TPO: variants seen among roughly 807,000 people sequenced by gnomAD.
TPO encodes thyroid microsomal antigen.
Under a neutral mutation model 96.9 loss-of-function variants are expected in TPO, and 78 were observed. That is an observed-to-expected ratio of 0.81 (90% CI 0.67 to 0.97). TPO has a LOEUF of 0.97. Ranked by LOEUF, TPO falls within the 50% of genes least tolerant of loss-of-function variation. The pLI is 0.00. For synonymous variants in TPO, 547 were observed against 538.0 expected (o/e 1.02, Z -0.23); for missense variants, 1,252 against 1,274.8 (o/e 0.98, Z 0.27).
At chr2:1,418,338 T>C (rs943302301) in intron 2 of TPO, among the ~76,000 whole-genome samples, 1 of 149,602 alleles carries the variant, frequency 6.7e-6, no homozygotes, top group Non-Finnish European at 1.5e-5. Flanking sequence ...CAGTCCTGGA[T>C]AGAGTTTAGG....
intron 15 of TPO, among the ~76,000 whole-genome samples, chr2:1,528,684 TC>T (rs1289195278): frequency 2.4e-5 from 2 of 82,642 alleles, no homozygotes; most frequent in African/African-American, 5.5e-5. Context: ...CCTCCCCAAA[TC>T]CCCCCTACCT....
chr2:1,488,195 G>A (rs940137759), intron 10 of TPO, among the ~76,000 whole-genome samples: 1 of 152,164 alleles, frequency 6.6e-6, no homozygotes, highest in Non-Finnish European at 1.5e-5. Context: ...CACGAAGAGG[G>A]TGGTTCTGAA....
At chr2:1,455,279 C>A (rs1044089249) in intron 6 of TPO, among the ~76,000 whole-genome samples, 1 of 152,138 alleles carries the variant, frequency 6.6e-6, no homozygotes, top group South Asian at 2.1e-4. Flanking sequence ...GGATGTTGTG[C>A]GAGAGGCATT....
chr2:1,532,978 C>T (rs1296557432), intron 15 of TPO, among the ~76,000 whole-genome samples: 4 of 114,384 alleles, frequency 3.5e-5, no homozygotes, highest in Non-Finnish European at 5.4e-5. Context: ...TCCAGCCTCC[C>T]CAAATCCCTC....
At chr2:1,447,820 G>A (rs543123213) in intron 5 of TPO, among the ~76,000 whole-genome samples, 2 of 152,296 alleles carry the variant, frequency 1.3e-5, no homozygotes, top group African/African-American at 4.8e-5. Flanking sequence ...CCTATATCAT[G>A]AATCGAGTAG....
intron 5 of TPO, among the ~76,000 whole-genome samples, chr2:1,448,282 C>T (rs1573229024): frequency 6.6e-6 from 1 of 152,350 alleles, no homozygotes; most frequent in African/African-American, 2.4e-5. Flanking sequence ...CGCTGTGCTC[C>T]ACGCAGCTCC....
intron 10 of TPO, among the ~76,000 whole-genome samples, chr2:1,491,031 G>A (rs542523532): frequency 1.5e-4 from 23 of 152,096 alleles, no homozygotes; most frequent in African/African-American, 2.7e-4. Flanking sequence ...TCAGCTGGGC[G>A]TGGTGGCAGA....
chr2:1,422,963 T>A, intron 2 of TPO, 82 bp from the exon 3 acceptor site: 1 of 1,496,102 alleles, frequency 6.7e-7, no homozygotes, highest in Non-Finnish European at 9.3e-7. Flanking sequence ...CGCAGCAAGA[T>A]GGGCTTGAGG....
chr2:1,387,269 T>G (rs1488508148), intron 1 of TPO, among the ~76,000 whole-genome samples: 4 of 152,220 alleles, frequency 2.6e-5, no homozygotes, highest in Non-Finnish European at 5.9e-5. Flanking sequence ...CCTTGCTAGG[T>G]TGGGGATGTT....
chr2:1,514,141 G>A (rs990904949), intron 14 of TPO, among the ~76,000 whole-genome samples: 2 of 152,168 alleles, frequency 1.3e-5, no homozygotes, highest in African/African-American at 2.4e-5. Flanking sequence ...TCTGAGGGCA[G>A]GTGAAGCTGC....
chr2:1,380,206 A>AATACGGTG (rs1034132334), intron 1 of TPO, among the ~76,000 whole-genome samples: 2 of 152,076 alleles, frequency 1.3e-5, no homozygotes, highest in South Asian at 4.1e-4. Flanking sequence ...CATCCTGGCT[A>AATACGGTG]ATACGGTGAA....
In TPO at chr2:1,542,554, C is replaced by T; in HGVS notation, c.*80C>T. ...GACTCTTTTCCAAACACAGGCAAAT[C>T]CGAAATCAGCAGGACGACTGTTTTC... is the stretch of plus-strand genomic sequence containing the variant. On this transcript the variant is annotated 3_prime_UTR_variant, in exon 17 of 17. Transcript: ENST00000329066. 1 of 1,597,454 alleles carries T rather than the reference C, an allele frequency of 6.3e-7. No individual in the cohort carries two copies. Among genetic ancestry groups the T allele is most frequent in the Non-Finnish European group, 8.5e-7 (1 of 1,171,626 alleles).
At chr2:1,496,478 C>G in intron 12 of TPO, 117 bp from the exon 13 acceptor site, 17 of 1,439,396 alleles carry the variant, frequency 1.2e-5, no homozygotes, top group Non-Finnish European at 1.5e-5. Context: ...CACAGCAGGG[C>G]TCCCCGGCCC....
chr2:1,524,784 G>A (rs532968708), intron 15 of TPO, among the ~76,000 whole-genome samples: 2 of 118,288 alleles, frequency 1.7e-5, no homozygotes, highest in Non-Finnish European at 1.7e-5. Flanking sequence ...GCCCCACTAT[G>A]AGCAGCCTCC....
intron 7 of TPO, among the ~76,000 whole-genome samples, chr2:1,460,678 G>A (rs1180138824): frequency 2.0e-5 from 3 of 152,220 alleles, no homozygotes; most frequent in Admixed American, 6.5e-5. Flanking sequence ...TTCAATGAAC[G>A]TGTATTGTTA....
chr2:1,519,510 C>T (rs1675036783), intron 15 of TPO, among the ~76,000 whole-genome samples: 1 of 152,214 alleles, frequency 6.6e-6, no homozygotes, highest in Non-Finnish European at 1.5e-5. Flanking sequence ...AAAGAGAGTA[C>T]TTTAACCTTT....
rs894677020 is a variant in TPO, at chr2:1,492,245, C to T, written c.1769-1557C>T. Among the ~76,000 whole-genome samples, 3 of 152,256 alleles carry T rather than the reference C, an allele frequency of 2.0e-5. No homozygotes were observed. The South Asian group carries it at 6.2e-4, about 32-fold the overall frequency. On this transcript the variant is annotated intron_variant, in intron 10 of 16. Coordinates refer to ENST00000329066, the MANE Select transcript of TPO (RefSeq NM_001206744.2). Reference sequence around the variant, plus strand: ...TCTCGGCTCACGGCAACCTCCGTCTCCCAGGTTCAAGCAATTCTCCTGCCC... The same window carrying T: ...TCTCGGCTCACGGCAACCTCCGTCTTCCAGGTTCAAGCAATTCTCCTGCCC...
At chr2:1,427,900 G>C (rs1664588427) in intron 3 of TPO, among the ~76,000 whole-genome samples, 1 of 152,186 alleles carries the variant, frequency 6.6e-6, no homozygotes, top group Non-Finnish European at 1.5e-5. Context: ...TCTGTTTACT[G>C]TTCACGGTGA....
chr2:1,412,202 C>T (rs1487873131), upstream of TPO, among the ~76,000 whole-genome samples: 1 of 152,244 alleles, frequency 6.6e-6, no homozygotes. Flanking sequence ...CAGCCAGTCT[C>T]CTTTCTTCTC....
Sources: gnomAD v4.1 joint callset for allele counts (sites outside exome capture counted in the v4.1 genomes callset) on GRCh38, gnomAD v4.1.1 for gene constraint, MANE v1.5 for transcripts, NCBI Gene and HGNC (gene_info 2026-07-23, HGNC 2026-07-21) for gene names.